RPS6KC1: variants seen among roughly 807,000 people sequenced by gnomAD.
The protein encoded by RPS6KC1 is ribosomal protein S6 kinase C1.
Under a neutral mutation model 103.8 loss-of-function variants are expected in RPS6KC1, and 54 were observed. The observed-to-expected ratio is 0.52, with a 90% CI of 0.42 to 0.65. The LOEUF (loss-of-function observed/expected upper bound fraction) is 0.65. RPS6KC1 is among the 30% of genes least tolerant of loss of function. The probability of loss-of-function intolerance (pLI) is 0.00; values close to 1 mark genes in which losing one functional copy is unlikely to be tolerated. For synonymous variants in RPS6KC1, 439 were observed against 438.7 expected (o/e 1.00, Z -0.01); for missense variants, 1,151 against 1,253.8 (o/e 0.92, Z 1.24).
the RPS6KC1 span, among the ~76,000 whole-genome samples, chr1:213,519,025 A>G: frequency 2.0e-5 from 3 of 152,156 alleles, no homozygotes; most frequent in South Asian, 6.2e-4. Context: ...TTTTCTCTGA[A>G]TTTTATATAA....
At chr1:213,399,968 T>C in the RPS6KC1 span, among the ~76,000 whole-genome samples, 9,206 of 152,186 alleles carry the variant, frequency 0.06, 644 homozygotes, top group African/African-American at 0.16. Flanking sequence ...GCTTCAGGCA[T>C]GGGCATTGTG....
rs2095091302 is a variant in RPS6KC1, at chr1:213,273,713, AATGT to A, written c.*1081_*1084del. On this transcript the variant is annotated 3_prime_UTR_variant, in exon 15 of 15. Transcript: ENST00000366960. ...AATCTATTTGACGTGATTTAGAAAG[AATGT>A]AAGTATTCACACATCTCCAAACATT... 6.6e-6 allele frequency: 1 copy of A among 152,282 alleles called. No homozygotes were observed. Among genetic ancestry groups the A allele is most frequent in the South Asian group, 2.1e-4 (1 of 4,832 alleles). 9.4% of individuals were successfully genotyped at this position (152,282 alleles called of 1,614,324 possible).
chr1:213,384,901 G>A, the RPS6KC1 span, among the ~76,000 whole-genome samples: 1 of 152,222 alleles, frequency 6.6e-6, no homozygotes, highest in African/African-American at 2.4e-5. Flanking sequence ...CACACAGTTA[G>A]TGATGCTGGT....
At chr1:213,752,891 C>G in the RPS6KC1 span, among the ~76,000 whole-genome samples, 1 of 152,204 alleles carries the variant, frequency 6.6e-6, no homozygotes, top group Non-Finnish European at 1.5e-5. Context: ...AAGCCAAGAT[C>G]CCTTCATCAC....
intron 6 of RPS6KC1, among the ~76,000 whole-genome samples, chr1:213,143,983 T>C (rs1418458853): frequency 2.6e-5 from 4 of 152,098 alleles, no homozygotes; most frequent in Non-Finnish European, 5.9e-5. Context: ...CATAGTTACA[T>C]TTCACAGTGA....
the RPS6KC1 span, among the ~76,000 whole-genome samples, chr1:213,473,723 A>G: frequency 6.6e-6 from 1 of 152,378 alleles, no homozygotes; most frequent in East Asian, 1.9e-4. Flanking sequence ...AGGTTTGTGA[A>G]TACTACTTAG....
the RPS6KC1 span, among the ~76,000 whole-genome samples, chr1:213,457,328 G>T: frequency 2.0e-5 from 3 of 152,244 alleles, no homozygotes; most frequent in Non-Finnish European, 4.4e-5. Flanking sequence ...GCTCTCTGGG[G>T]ATTCCATGCC....
the RPS6KC1 span, among the ~76,000 whole-genome samples, chr1:213,591,003 C>T: frequency 6.6e-6 from 1 of 152,186 alleles, no homozygotes; most frequent in Non-Finnish European, 1.5e-5. Flanking sequence ...ACTGATGCTT[C>T]TCCTCTCCCC....
the RPS6KC1 span, among the ~76,000 whole-genome samples, chr1:213,381,230 G>T: frequency 6.6e-6 from 1 of 152,262 alleles, no homozygotes; most frequent in South Asian, 2.1e-4. Context: ...GTGTGTGGAG[G>T]AGTGGGAGAG....
the RPS6KC1 span, among the ~76,000 whole-genome samples, chr1:213,495,557 G>A: frequency 6.6e-6 from 1 of 152,126 alleles, no homozygotes; most frequent in Non-Finnish European, 1.5e-5. Context: ...CCTGACTCAG[G>A]TGATCTGCCT....
At chr1:213,185,057 C>A (rs960219993) in intron 8 of RPS6KC1, among the ~76,000 whole-genome samples, 2 of 152,156 alleles carry the variant, frequency 1.3e-5, no homozygotes, top group African/African-American at 2.4e-5. Flanking sequence ...GCTGGATGAT[C>A]TGTCCATTAC....
At chr1:213,573,882 A>G in the RPS6KC1 span, among the ~76,000 whole-genome samples, 1 of 152,202 alleles carries the variant, frequency 6.6e-6, no homozygotes, top group African/African-American at 2.4e-5. Flanking sequence ...CAGAGAGTCC[A>G]GTTATGGAAA....
the RPS6KC1 span, among the ~76,000 whole-genome samples, chr1:213,854,200 C>T: frequency 6.6e-6 from 1 of 152,206 alleles, no homozygotes; most frequent in African/African-American, 2.4e-5. Flanking sequence ...CTCAAACATA[C>T]CAGGGGATTG....
chr1:213,810,235 A>C, the RPS6KC1 span, among the ~76,000 whole-genome samples: 1 of 152,216 alleles, frequency 6.6e-6, no homozygotes, highest in Non-Finnish European at 1.5e-5. Context: ...CTGAACCAGC[A>C]AAGTAATGCT....
chr1:213,846,851 T>C, the RPS6KC1 span, among the ~76,000 whole-genome samples: 109 of 152,126 alleles, frequency 7.2e-4, no homozygotes, highest in African/African-American at 2.5e-3. Flanking sequence ...TATCAGAAAT[T>C]TATCCAATTT....
At chr1:213,832,151 G>A in the RPS6KC1 span, among the ~76,000 whole-genome samples, 48 of 152,328 alleles carry the variant, frequency 3.2e-4, no homozygotes, top group East Asian at 5.8e-4. Context: ...AGTTTGAGTA[G>A]CTATAACATT....
At chr1:213,181,704 A>G (rs1183771999) in intron 8 of RPS6KC1, among the ~76,000 whole-genome samples, 3 of 152,200 alleles carry the variant, frequency 2.0e-5, no homozygotes, top group African/African-American at 7.2e-5. Flanking sequence ...TGCTAAAAGG[A>G]AAGAACTATC....
At chr1:213,783,498 C>T in the RPS6KC1 span, among the ~76,000 whole-genome samples, 2 of 152,146 alleles carry the variant, frequency 1.3e-5, no homozygotes, top group Admixed American at 6.5e-5. Flanking sequence ...GATCTCCTCG[C>T]TTTCATGGAG....
intron 14 of RPS6KC1, among the ~76,000 whole-genome samples, chr1:213,267,093 G>A (rs2094929386): frequency 6.6e-6 from 1 of 151,820 alleles, no homozygotes; most frequent in South Asian, 2.1e-4. Context: ...ATGTGCACAG[G>A]AACAGGGAGT....
Sources: allele counts gnomAD v4.1 joint callset (sites outside exome capture counted in the v4.1 genomes callset), GRCh38; gene constraint gnomAD v4.1.1; transcripts MANE v1.5; gene names NCBI Gene and HGNC (gene_info 2026-07-23, HGNC 2026-07-21).